Variants in CHRNA2 observed in about 807,000 individuals in gnomAD.
CHRNA2 encodes the protein cholinergic receptor nicotinic alpha 2 subunit, also known as neuronal acetylcholine receptor subunit alpha-2.
In CHRNA2, 40 loss-of-function variants were observed where a neutral mutation model predicts 45.5. The observed-to-expected ratio is 0.88, with a 90% CI of 0.68 to 1.15. The LOEUF is 1.15. Ranked by LOEUF, CHRNA2 falls within the 50% of genes most tolerant of loss-of-function variation. The pLI is 0.00. For synonymous variants in CHRNA2, 301 were observed against 296.7 expected (o/e 1.01, Z -0.15); for missense variants, 655 against 701.7 (o/e 0.93, Z 0.75).
In CHRNA2 at chr8:27,463,143, C is replaced by A. The variant is rs1433706426; in HGVS notation, c.1300G>T (p.Gly434Cys). Residue 434 changes from glycine (G) to cysteine (C), a missense_variant, in exon 6 of 7, where the codon GGC becomes TGC. By Grantham distance (159) the Gly-to-Cys change is radical (BLOSUM62 -3). Around this residue, in one of 3 missense-constraint regions of CHRNA2, gnomAD observed 295 missense variants for 280.4 expected, o/e 1.05. Coordinates refer to ENST00000407991, the MANE Select transcript of CHRNA2 (RefSeq NM_000742.4). The surrounding 1 kb of genome is among the most constrained non-coding windows in gnomAD (Gnocchi z 6.1). ...ACAGHVAPSV[G>C]TLCSHGHLHS... ...AGGTGGCCGTGGCTGCAGAGGGTGC[C>A]CACAGAGGGGGCCACATGACCTGCA... 1 of 1,604,126 alleles carries A rather than the reference C, an allele frequency of 6.2e-7. No homozygotes were observed. The highest frequency in any genetic ancestry group is 1.3e-5 in the African/African-American group (1 of 74,884).
chr8:27,464,235 C>G (rs896174638), intron 5 of CHRNA2, among the ~76,000 whole-genome samples: 3 of 151,864 alleles, frequency 2.0e-5, no homozygotes, highest in Non-Finnish European at 4.4e-5. Context: ...AAGGAAGTAC[C>G]AAGAATTCTA....
chr8:27,471,689 C>T (rs1391784875), intron 1 of CHRNA2, among the ~76,000 whole-genome samples: 1 of 152,192 alleles, frequency 6.6e-6, no homozygotes, highest in Non-Finnish European at 1.5e-5. Flanking sequence ...CATGGAGGAA[C>T]CTAGAAAGCA....
At chr8:27,467,050 A>G (rs577858628) in intron 5 of CHRNA2, among the ~76,000 whole-genome samples, 179 bp downstream of exon 5, 1 of 152,318 alleles carries the variant, frequency 6.6e-6, no homozygotes, top group Admixed American at 6.5e-5. Flanking sequence ...TTTGGTGTAG[A>G]GTGAGAACAA....
At chr8:27,473,644 G>C (rs762338563) in intron 1 of CHRNA2, among the ~76,000 whole-genome samples, 3 of 151,928 alleles carry the variant, frequency 2.0e-5, no homozygotes, top group Admixed American at 6.6e-5. Flanking sequence ...GGAAGTCAAG[G>C]CTGCAATGGG....
intron 2 of CHRNA2, 24 bp downstream of exon 2, chr8:27,470,962 C>CA: frequency 1.2e-6 from 2 of 1,612,238 alleles, no homozygotes; most frequent in Non-Finnish European, 1.7e-6. Flanking sequence ...TGAAGTCTTA[C>CA]AATGACAGGT....
intron 1 of CHRNA2, chr8:27,477,259 G>A (rs1813089243): frequency 6.6e-6 from 1 of 152,276 alleles, no homozygotes; most frequent in East Asian, 1.9e-4. Context: ...GAGGGGACAG[G>A]CACCTCACCC....
At chr8:27,462,454 C>G (rs569794536) in intron 6 of CHRNA2, among the ~76,000 whole-genome samples, 1 of 151,776 alleles carries the variant, frequency 6.6e-6, no homozygotes, top group Non-Finnish European at 1.5e-5. Context: ...ATGGCAGGGG[C>G]GGGGGAGCGG....
Position 27,461,417 on chromosome 8 carries a change from C to G in CHRNA2, c.*212G>C, listed in dbSNP as rs752061425. 7.7e-6 allele frequency: 5 copies of G among 648,816 alleles called. No individual in the cohort carries two copies. The highest frequency in any genetic ancestry group is 1.3e-5 in the Non-Finnish European group (5 of 387,008). The allele number at this position is 648,816 out of a possible 1,614,324, so 40.2% of individuals were successfully genotyped here. A position where few individuals can be genotyped will look rare whatever the true frequency, so the allele number is the denominator to read the frequency against. On this transcript the variant is annotated 3_prime_UTR_variant, in exon 7 of 7. Transcript: ENST00000407991. Reference sequence around the variant, plus strand: ...TTCTGCAGAGCTTCCCCAGCTCCTCCGTATCCAAAACAGGGCTTTGCACCC... The same window carrying G: ...TTCTGCAGAGCTTCCCCAGCTCCTCGGTATCCAAAACAGGGCTTTGCACCC...
chr8:27,467,174 C>T (rs190952749), intron 5 of CHRNA2, 55 bp downstream of exon 5: 75 of 1,401,158 alleles, frequency 5.4e-5, no homozygotes, highest in Admixed American at 1.9e-4. Flanking sequence ...GCCATGGACC[C>T]GGCCCCTGCA....
In CHRNA2 at chr8:27,461,600, C is replaced by A; in HGVS notation, c.*29G>T. ...GGTCAAAAGATGGTCAGCGGGGGTG[C>A]CCTGGGAGCCAGCTCGAGGGAGGTG... On this transcript the variant is annotated 3_prime_UTR_variant, in exon 7 of 7. Transcript: ENST00000407991. 1.9e-6 allele frequency: 3 copies of A among 1,613,804 alleles called. No homozygotes were observed. The highest frequency in any genetic ancestry group is 2.5e-6 in the Non-Finnish European group (3 of 1,179,786).
intron 1 of CHRNA2, among the ~76,000 whole-genome samples, chr8:27,473,542 A>C (rs1812965083): frequency 8.7e-6 from 1 of 115,172 alleles, no homozygotes; most frequent in East Asian, 2.8e-4. Flanking sequence ...CGCCGTCTCT[A>C]CAAAAAATTC....
rs1554514187 is a variant in CHRNA2, at chr8:27,462,970, C to T, written c.1464+9G>A. ...ACCCAGGCTGGCGCCTCTCCCAACC[C>T]CAACGCACCGAAGAGTCAGCATCCT... is the stretch of plus-strand genomic sequence containing the variant. On this transcript the variant is annotated intron_variant, in intron 6 of 6. Coordinates refer to ENST00000407991, the MANE Select transcript of CHRNA2 (RefSeq NM_000742.4). 1.2e-6 allele frequency: 2 copies of T among 1,614,018 alleles called. No individual in the cohort carries two copies. The highest frequency in any genetic ancestry group is 1.1e-5 in the South Asian group (1 of 91,080).
At chr8:27,462,884 G>T (rs1198518105) in intron 6 of CHRNA2, 95 bp downstream of exon 6, 2 of 1,494,856 alleles carry the variant, frequency 1.3e-6, no homozygotes, top group African/African-American at 1.4e-5. Context: ...CACGAGAGGG[G>T]CCTGGGCTGC....
In CHRNA2 at chr8:27,460,626, C is replaced by T. The variant is rs74974243; in HGVS notation, c.*1003G>A. On this transcript the variant is annotated 3_prime_UTR_variant, in exon 7 of 7. Coordinates refer to ENST00000407991, the MANE Select transcript of CHRNA2 (RefSeq NM_000742.4). ...GATCTTCAACTCCCAAGTGAGGCCT[C>T]CTCCTGATGGAGCCAGGCACAGGGA... The T allele has an allele frequency of 0.038, 5,765 of 152,338 alleles. 376 individuals are homozygous for T. The highest frequency in any genetic ancestry group is 0.13 in the African/African-American group (5,456 of 41,498). 9.4% of individuals were successfully genotyped at this position (152,338 alleles called of 1,614,324 possible).
At chr8:27,477,530 A>C (rs1036772483) in intron 1 of CHRNA2, among the ~76,000 whole-genome samples, 2 of 152,206 alleles carry the variant, frequency 1.3e-5, no homozygotes. Flanking sequence ...AATAAGATGC[A>C]GTGACTCTAG....
chr8:27,463,274 C>T lies in CHRNA2; in HGVS notation c.1169G>A (p.Cys390Tyr). The stretch of plus-strand genomic sequence containing the variant: ...GCTGAGCTTCAGGCGTAGGGGGTGG[C>T]AGAGCTCCACGGGTGGTGGGGGCCG... ...MNRPPPPVEL[C>Y]HPLRLKLSPS... The change falls in exon 6 of 7, where the codon TGC becomes TAC. Residue 390 changes from cysteine to tyrosine, a missense_variant. This residue lies in a region of CHRNA2 where 295 missense variants were observed against 280.4 expected (regional missense o/e 1.05). Transcript: ENST00000407991. This position sits in a 1 kb window ranked among gnomAD's most constrained non-coding sequence, Gnocchi z 6.1. The T allele has an allele frequency of 6.2e-7, 1 of 1,606,704 alleles. No homozygotes were observed. The highest frequency in any genetic ancestry group is 8.5e-7 in the Non-Finnish European group (1 of 1,174,820).
In CHRNA2 at chr8:27,467,347, G is replaced by A. The variant is rs1278613957; in HGVS notation, c.340-9C>T. On this transcript the variant is annotated splice_polypyrimidine_tract_variant and intron_variant, in intron 4 of 6. Transcript: ENST00000407991. ...TTGTAGTCGCTCCACTCCTGTGTGT[G>A]GGGAAGGAGTTGTGTCAACCTCGCT... 4.4e-6 allele frequency: 7 copies of A among 1,598,042 alleles called. No homozygotes were observed. Among genetic ancestry groups the A allele is most frequent in the Admixed American group, 1.7e-5 (1 of 60,002 alleles).
chr8:27,463,732 C>T lies in CHRNA2; in HGVS notation c.711G>A (p.Thr237=), dbSNP rs1039458194. ...ESGEWAIVNA[T]GTYNSKKYDC... Reference sequence around the variant, plus strand: ...CGTACTTCTTGCTGTTGTAGGTGCCCGTGGCATTGACGATGGCCCACTCGC... The same window carrying T: ...CGTACTTCTTGCTGTTGTAGGTGCCTGTGGCATTGACGATGGCCCACTCGC... The change falls in exon 6 of 7, where the codon ACG becomes ACA. Residue 237 remains threonine, a synonymous_variant. Transcript: ENST00000407991. This position sits in a 1 kb window ranked among gnomAD's most constrained non-coding sequence, Gnocchi z 6.1. 1 of 1,613,932 alleles carries T rather than the reference C, an allele frequency of 6.2e-7. No homozygotes were observed. Among genetic ancestry groups the T allele is most frequent in the Admixed American group, 1.7e-5 (1 of 60,006 alleles).
At chr8:27,475,856 C>T (rs918103929) in intron 1 of CHRNA2, among the ~76,000 whole-genome samples, 2 of 152,150 alleles carry the variant, frequency 1.3e-5, no homozygotes, top group African/African-American at 2.4e-5. Context: ...AACTTCCTGT[C>T]GTGAGGTCAC....
Sources: allele counts gnomAD v4.1 joint callset (sites outside exome capture counted in the v4.1 genomes callset), GRCh38; gene constraint gnomAD v4.1.1; regional missense constraint gnomAD v4.1.1; non-coding constraint Gnocchi (gnomAD v3.1); transcripts MANE v1.5; gene names NCBI Gene and HGNC (gene_info 2026-07-23, HGNC 2026-07-21).